FTO: variants seen among roughly 807,000 people sequenced by gnomAD.
The protein encoded by FTO is FTO alpha-ketoglutarate dependent dioxygenase, also known as alpha-ketoglutarate-dependent dioxygenase FTO.
Under a neutral mutation model 63.9 loss-of-function variants are expected in FTO, and 47 were observed. The observed-to-expected ratio is 0.74, with a 90% confidence interval of 0.58 to 0.94. The LOEUF (loss-of-function observed/expected upper bound fraction) is 0.94. FTO is among the 40% of genes least tolerant of loss of function. The pLI is 0.00. For synonymous variants in FTO, 207 were observed against 224.4 expected (o/e 0.92, Z 0.69); for missense variants, 562 against 618.1 (o/e 0.91, Z 0.96).
At chr16:54,001,194 T>C (rs2084057825) in intron 8 of FTO, among the ~76,000 whole-genome samples, 1 of 152,204 alleles carries the variant, frequency 6.6e-6, no homozygotes. Context: ...TTCAGTGAAT[T>C]GCATTATACA....
At chr16:53,719,660 C>G (rs1257572585) in intron 1 of FTO, among the ~76,000 whole-genome samples, 1 of 112,062 alleles carries the variant, frequency 8.9e-6, no homozygotes. Context: ...TAAACAAGCT[C>G]TTGAATTTGT....
intron 8 of FTO, chr16:54,013,383 A>G (rs2084370714): frequency 6.7e-6 from 1 of 149,558 alleles, no homozygotes; most frequent in African/African-American, 2.5e-5. Context: ...GATAGAATCT[A>G]CTCTTGGTGA....
At chr16:54,083,621 G>A (rs1366703786) in intron 8 of FTO, among the ~76,000 whole-genome samples, 28 of 152,170 alleles carry the variant, frequency 1.8e-4, no homozygotes, top group East Asian at 1.9e-4. Flanking sequence ...ATCCATTTCC[G>A]AAGAAGTTCT....
Position 53,873,153 on chromosome 16 carries a change from C to G in FTO, c.896-633C>G, listed in dbSNP as rs187052435. Among the ~76,000 whole-genome samples, 13 of 151,302 alleles carry G rather than the reference C, an allele frequency of 8.6e-5. No homozygotes were observed. The East Asian group carries it at 2.4e-3, about 27-fold the overall frequency. Reference sequence around the variant, plus strand: ...TACTTTGATTATGGAGGGAAAGAGGCAGATTTTTCAGATGAAAGGTGTGCA... The same window carrying G: ...TACTTTGATTATGGAGGGAAAGAGGGAGATTTTTCAGATGAAAGGTGTGCA... On this transcript the variant is annotated intron_variant, in intron 4 of 8. Coordinates refer to ENST00000471389, the MANE Select transcript of FTO (RefSeq NM_001080432.3).
In FTO at chr16:53,704,224, G is replaced by A. The variant is rs1016221892; in HGVS notation, c.40G>A (p.Ala14Thr). The A allele has an allele frequency of 1.3e-6, 2 of 1,551,390 alleles. No homozygotes were observed. Among genetic ancestry groups the A allele is most frequent in the African/African-American group, 2.7e-5 (2 of 73,064 alleles). The change falls in exon 1 of 9, where the codon GCT becomes ACT. Residue 14 changes from alanine (A) to threonine (T), a missense_variant. Physicochemically the swap from Ala to Thr is moderately conservative, Grantham distance 58 (BLOSUM62 0). Coordinates refer to ENST00000471389, the MANE Select transcript of FTO (RefSeq NM_001080432.3). ...GACTGCCGAGGAACGAGAGCGCGAA[G>A]CTAAGGTATGTCGGGCTCCCGGGGC... ...TPTAEERERE[A>T]KKLRLLEELE...
At chr16:54,077,043 A>T (rs1406035042) in intron 8 of FTO, among the ~76,000 whole-genome samples, 1 of 152,242 alleles carries the variant, frequency 6.6e-6, no homozygotes, top group Admixed American at 6.5e-5. Context: ...AAGGAGCGTC[A>T]TTATTATATC....
At chr16:53,936,773 T>C (rs1413582211) in intron 8 of FTO, among the ~76,000 whole-genome samples, 2 of 152,250 alleles carry the variant, frequency 1.3e-5, no homozygotes, top group Non-Finnish European at 2.9e-5. Context: ...TAAATACACA[T>C]GACTCTAATT....
intron 8 of FTO, among the ~76,000 whole-genome samples, chr16:54,018,962 C>T (rs764156213): frequency 6.6e-6 from 1 of 152,126 alleles, no homozygotes; most frequent in Non-Finnish European, 1.5e-5. Flanking sequence ...ACAGGAAGTT[C>T]GGAAATAGGA....
intron 1 of FTO, among the ~76,000 whole-genome samples, chr16:53,729,348 G>A (rs1009393214): frequency 7.3e-5 from 11 of 151,628 alleles, no homozygotes; most frequent in Non-Finnish European, 1.5e-4. Flanking sequence ...CCAACATGGT[G>A]AAACCCTGTC....
intron 6 of FTO, among the ~76,000 whole-genome samples, chr16:53,884,070 T>C (rs72807783): frequency 0.01 from 1,579 of 152,332 alleles, 13 homozygotes; most frequent in Non-Finnish European, 0.015. Context: ...TGGTTTTACA[T>C]ACTGCAAGCT....
At chr16:53,926,785 A>T (rs924128203) in intron 7 of FTO, among the ~76,000 whole-genome samples, 1 of 152,200 alleles carries the variant, frequency 6.6e-6, no homozygotes, top group African/African-American at 2.4e-5. Context: ...TAGAAGATAA[A>T]ATATGAGAAG....
chr16:54,072,093 C>A (rs2085886334), intron 8 of FTO: 1 of 152,122 alleles, frequency 6.6e-6, no homozygotes. Context: ...ATGGGCTGAC[C>A]CCAGGGCCAG....
intron 2 of FTO, among the ~76,000 whole-genome samples, chr16:53,819,086 T>C (rs559960372): frequency 9.2e-5 from 14 of 152,332 alleles, no homozygotes; most frequent in Non-Finnish European, 1.8e-4. Flanking sequence ...ATCAACAATA[T>C]GTATTACTAT....
intron 8 of FTO, among the ~76,000 whole-genome samples, chr16:53,975,432 A>G (rs2083414699): frequency 6.6e-6 from 1 of 152,042 alleles, no homozygotes; most frequent in Non-Finnish European, 1.5e-5. Flanking sequence ...GAATTTAGTC[A>G]TTTGTATAAA....
intron 8 of FTO, among the ~76,000 whole-genome samples, chr16:53,997,959 C>T (rs1337277851): frequency 2.0e-5 from 3 of 151,972 alleles, no homozygotes; most frequent in African/African-American, 7.2e-5. Context: ...TCCCAGAACC[C>T]TTAATATTCC....
intron 8 of FTO, among the ~76,000 whole-genome samples, chr16:53,968,728 C>G (rs1306409402): frequency 1.3e-5 from 2 of 152,186 alleles, no homozygotes; most frequent in African/African-American, 4.8e-5. Flanking sequence ...AAAGGAGAGA[C>G]ATTTCACTTG....
At chr16:54,004,702 G>T (rs1763290301) in intron 8 of FTO, among the ~76,000 whole-genome samples, 1 of 152,096 alleles carries the variant, frequency 6.6e-6, no homozygotes, top group African/African-American at 2.4e-5. Context: ...AGGCCAAAGG[G>T]CCTCTTTCTT....
At chr16:53,879,806 T>C in intron 5 of FTO, 38 bp from the exon 6 acceptor site, 2 of 1,612,956 alleles carry the variant, frequency 1.2e-6, no homozygotes, top group Non-Finnish European at 1.7e-6. Flanking sequence ...AAACTTAGAT[T>C]TTGCCCATAA....
chr16:53,986,086 A>G (rs1361518243), intron 8 of FTO, among the ~76,000 whole-genome samples: 2 of 152,202 alleles, frequency 1.3e-5, no homozygotes, highest in East Asian at 1.9e-4. Context: ...TATTTTCACC[A>G]TGCATTCCTG....
Sources: gnomAD v4.1 joint callset for allele counts (sites outside exome capture counted in the v4.1 genomes callset) on GRCh38, gnomAD v4.1.1 for gene constraint, MANE v1.5 for transcripts, NCBI Gene and HGNC (gene_info 2026-07-23, HGNC 2026-07-21) for gene names.